Variants in TNS3 observed in about 807,000 individuals in gnomAD.
TNS3 encodes the protein tensin 3, also known as tensin-3.
A neutral mutation model predicts 140.9 loss-of-function variants in TNS3; 45 were observed. The ratio of observed to expected loss-of-function variants is 0.32; its 90% CI spans 0.25 to 0.41. The LOEUF is 0.41. Ranked by LOEUF, TNS3 falls within the 10% of genes least tolerant of loss-of-function variation. The pLI is 1.00. For synonymous variants in TNS3, 815 were observed against 788.4 expected (o/e 1.03, Z -0.56); for missense variants, 1,716 against 1,906.7 (o/e 0.90, Z 1.86).
intron 23 of TNS3, among the ~76,000 whole-genome samples, chr7:47,297,886 A>G (rs1020991482): frequency 2.7e-5 from 4 of 150,036 alleles, no homozygotes; most frequent in South Asian, 2.1e-4. Flanking sequence ...TTCTGGGTTC[A>G]AGCGATTCTC....
intron 4 of TNS3, among the ~76,000 whole-genome samples, chr7:47,450,666 T>C (rs1480296749): frequency 6.6e-6 from 1 of 152,206 alleles, no homozygotes; most frequent in African/African-American, 2.4e-5. Context: ...GTCTCCACTA[T>C]CTGCCAGGCC....
At position 47,437,364 on chromosome 7, in the gene TNS3, A is replaced by T. The variant is rs775641778; in HGVS notation, c.151-51T>A. 5.6e-5 allele frequency: 47 copies of T among 845,040 alleles called. No homozygotes were observed. The East Asian group carries it at 1.7e-3, about 31-fold the overall frequency. 52.3% of individuals were successfully genotyped at this position (845,040 alleles called of 1,614,324 possible). ...TGCATAAAATAGATTTTAATATTTT[A>T]AAAATTAATACTTTAATTTTTATTT... On this transcript the variant is annotated intron_variant, in intron 6 of 30. Coordinates refer to ENST00000311160, the MANE Select transcript of TNS3 (RefSeq NM_022748.12).
intron 4 of TNS3, among the ~76,000 whole-genome samples, chr7:47,465,911 C>T (rs1429739858): frequency 1.4e-5 from 2 of 147,768 alleles, no homozygotes; most frequent in Admixed American, 6.7e-5. Context: ...GCAACAAGAG[C>T]GAAACTCCGT....
chr7:47,363,100 C>CCATCAT (rs1176704240), intron 17 of TNS3, among the ~76,000 whole-genome samples: 23 of 145,484 alleles, frequency 1.6e-4, no homozygotes, highest in African/African-American at 5.0e-4. Flanking sequence ...ACAGTCATCA[C>CCATCAT]CATCATCATC....
chr7:47,398,824 A>G (rs1792982670), intron 15 of TNS3, among the ~76,000 whole-genome samples: 1 of 152,202 alleles, frequency 6.6e-6, no homozygotes, highest in Non-Finnish European at 1.5e-5. Flanking sequence ...GTACTGCCAG[A>G]GCAATCAGCT....
intron 15 of TNS3, among the ~76,000 whole-genome samples, chr7:47,398,536 T>C (rs953358654): frequency 6.6e-6 from 1 of 152,106 alleles, no homozygotes; most frequent in Admixed American, 6.5e-5. Context: ...AGTCAATAAA[T>C]GTGATACACC....
chr7:47,530,009 T>G (rs2151941244), intron 1 of TNS3, among the ~76,000 whole-genome samples: 1 of 152,356 alleles, frequency 6.6e-6, no homozygotes, highest in East Asian at 1.9e-4. Context: ...TGACAATTTC[T>G]TATAAACTTA....
chr7:47,305,527 C>T (rs1023300646), intron 20 of TNS3, among the ~76,000 whole-genome samples: 1 of 152,372 alleles, frequency 6.6e-6, no homozygotes, highest in Non-Finnish European at 1.5e-5. Context: ...ACCCTCCCCC[C>T]AGCTGGTAAC....
At chr7:47,319,502 A>T (rs1787605347) in intron 20 of TNS3, among the ~76,000 whole-genome samples, 1 of 152,142 alleles carries the variant, frequency 6.6e-6, no homozygotes, top group African/African-American at 2.4e-5. Context: ...CTCACTCGTT[A>T]CCATGAGGAC....
intron 18 of TNS3, among the ~76,000 whole-genome samples, chr7:47,345,665 G>A (rs1789293480): frequency 6.6e-6 from 1 of 152,112 alleles, no homozygotes; most frequent in South Asian, 2.1e-4. Context: ...CCTCTTGGAA[G>A]AGCAAGAAGC....
intron 2 of TNS3, among the ~76,000 whole-genome samples, chr7:47,528,293 G>A (rs1408982082): frequency 6.6e-6 from 1 of 152,140 alleles, no homozygotes; most frequent in African/African-American, 2.4e-5. Flanking sequence ...ATCTGCTGGG[G>A]GTCTGCAGGG....
At chr7:47,283,940 T>C (rs902745104) in intron 27 of TNS3, 75 bp from the exon 28 acceptor site, 3 of 1,373,708 alleles carry the variant, frequency 2.2e-6, no homozygotes, top group African/African-American at 3.0e-5. Flanking sequence ...CACAGGCAGT[T>C]GCTGATGTGC....
intron 4 of TNS3, among the ~76,000 whole-genome samples, chr7:47,444,357 G>A (rs534041082): frequency 6.6e-6 from 1 of 152,204 alleles, no homozygotes; most frequent in Non-Finnish European, 1.5e-5. Flanking sequence ...TGTCGCTTCA[G>A]ACCCTATGTC....
intron 2 of TNS3, among the ~76,000 whole-genome samples, chr7:47,517,350 G>C (rs1427427452): frequency 2.6e-5 from 4 of 152,114 alleles, no homozygotes; most frequent in Non-Finnish European, 5.9e-5. Context: ...AAGAAACCTA[G>C]AGGAAAGGTG....
chr7:47,491,915 C>T (rs1160122842), intron 3 of TNS3, among the ~76,000 whole-genome samples: 1 of 152,248 alleles, frequency 6.6e-6, no homozygotes, highest in East Asian at 1.9e-4. Flanking sequence ...ATCCTACAGG[C>T]TCCTGGAAGG....
chr7:47,290,705 G>A (rs1259314320), intron 27 of TNS3, among the ~76,000 whole-genome samples: 2 of 152,226 alleles, frequency 1.3e-5, no homozygotes, highest in Admixed American at 6.5e-5. Context: ...AGGATGTGGG[G>A]CAACAAGAAC....
chr7:47,415,099 C>T lies in TNS3; in HGVS notation c.581G>A (p.Gly194Asp). Residue 194 changes from glycine to aspartate, a missense_variant, in exon 11 of 31, where the codon GGT (glycine) becomes GAT (aspartate). By Grantham distance (94) the Gly-to-Asp change is moderately conservative. Coordinates refer to ENST00000311160, the MANE Select transcript of TNS3 (RefSeq NM_022748.12). ...ACGTCATAGGGGACACTCACCTCCA[C>T]CTGTGTCGAAGTTGGGGGTGCCGTG... The part of the protein sequence containing the change: ...ILHGTPNFDT[G>D]GVCRPFLKLY... The T allele has an allele frequency of 6.2e-7, 1 of 1,610,748 alleles. No individual in the cohort carries two copies. Among genetic ancestry groups the T allele is most frequent in the South Asian group, 1.1e-5 (1 of 90,474 alleles).
chr7:47,500,502 G>A (rs4720596), intron 3 of TNS3, among the ~76,000 whole-genome samples: 20,970 of 152,244 alleles, frequency 0.14, 1,802 homozygotes, highest in East Asian at 0.32. Context: ...GAAGTGTGAC[G>A]AGTAAATGAC....
rs565916934 is a variant in TNS3 at position 47,458,404 on chromosome 7, T to G, written c.-75-16349A>C. 2.0e-5 allele frequency among the ~76,000 whole-genome samples: 3 copies of G among 152,384 alleles called. No homozygotes were observed. In the East Asian group the frequency reaches 5.8e-4, roughly 29 times the overall value. On this transcript the variant is annotated intron_variant, in intron 4 of 30. Coordinates refer to ENST00000311160, the MANE Select transcript of TNS3 (RefSeq NM_022748.12). ...TCTGAGGCTTCCATCTGGAAGTGCC[T>G]CATGAGTCAGTGGCTCACATTTAGA...
Sources: allele counts gnomAD v4.1 joint callset (sites outside exome capture counted in the v4.1 genomes callset), GRCh38; gene constraint gnomAD v4.1.1; transcripts MANE v1.5; gene names NCBI Gene and HGNC (gene_info 2026-07-23, HGNC 2026-07-21).